The following COLQ variants were observed in gnomAD, a reference collection of about 807,000 sequenced individuals.
COLQ encodes acetylcholinesterase collagenic tail peptide.
In COLQ, 48 loss-of-function variants were observed where a neutral mutation model predicts 69.0. That is an observed-to-expected ratio of 0.70 (90% confidence interval 0.55 to 0.88). COLQ has a LOEUF of 0.88. COLQ is among the 40% of genes least tolerant of loss of function. The pLI is 0.00. For missense variants in COLQ, 618 were observed against 594.6 expected (o/e 1.04, Z -0.41); for synonymous variants, 217 against 211.2 (o/e 1.03, Z -0.24).
intron 12 of COLQ, among the ~76,000 whole-genome samples, chr3:15,460,300 C>T (rs951272017): frequency 2.0e-5 from 3 of 152,070 alleles, no homozygotes; most frequent in Admixed American, 1.3e-4. Flanking sequence ...AAAAAGTCTT[C>T]AGAAGAGGGT....
At chr3:15,501,951 CT>C (rs2062836088) in intron 1 of COLQ, among the ~76,000 whole-genome samples, 1 of 152,136 alleles carries the variant, frequency 6.6e-6, no homozygotes, top group Non-Finnish European at 1.5e-5. Context: ...TTGCAATAGT[CT>C]TGGATAAAGT....
At chr3:15,510,852 A>G (rs2062976610) in intron 1 of COLQ, among the ~76,000 whole-genome samples, 1 of 134,386 alleles carries the variant, frequency 7.4e-6, no homozygotes, top group African/African-American at 3.0e-5. Context: ...GGGAGAGAGG[A>G]AGGAAAGAAG....
At chr3:15,475,189 T>A (rs1280797780) in intron 7 of COLQ, 1 of 652,066 alleles carries the variant, frequency 1.5e-6, no homozygotes, top group Non-Finnish European at 2.7e-6. Context: ...TTCCATCTGC[T>A]CTGATGTCCA....
chr3:15,514,294 T>TA (rs1228491762), intron 1 of COLQ, among the ~76,000 whole-genome samples: 14 of 152,064 alleles, frequency 9.2e-5, no homozygotes, highest in African/African-American at 3.1e-4. Context: ...CAGAGGCTCT[T>TA]ACAGCATGGT....
At chr3:15,518,453 T>C (rs2063091305) in intron 1 of COLQ, among the ~76,000 whole-genome samples, 7 of 152,246 alleles carry the variant, frequency 4.6e-5, no homozygotes, top group Admixed American at 4.6e-4. Flanking sequence ...AGGCTTAGAA[T>C]AAAGGCCTGA....
At chr3:15,464,048 T>C (rs377150483) in intron 12 of COLQ, among the ~76,000 whole-genome samples, 3 of 152,364 alleles carry the variant, frequency 2.0e-5, no homozygotes, top group South Asian at 4.1e-4. Flanking sequence ...AAGCAGGTAC[T>C]ATTGGAAACA....
chr3:15,494,892 A>T (rs2062723627), intron 1 of COLQ, among the ~76,000 whole-genome samples: 1 of 152,172 alleles, frequency 6.6e-6, no homozygotes, highest in Admixed American at 6.5e-5. Flanking sequence ...CACCACATGC[A>T]AGGCACCATT....
At chr3:15,474,481 A>C (rs1220785925) in intron 8 of COLQ, among the ~76,000 whole-genome samples, 3 of 152,238 alleles carry the variant, frequency 2.0e-5, no homozygotes, top group Non-Finnish European at 4.4e-5. Context: ...CATAAAGGAC[A>C]ACTCACGGAA....
intron 1 of COLQ, among the ~76,000 whole-genome samples, chr3:15,505,653 C>T (rs937142104): frequency 1.3e-5 from 2 of 152,332 alleles, no homozygotes; most frequent in South Asian, 2.1e-4. Context: ...ATAAATCAGC[C>T]GGTGCTATTA....
chr3:15,478,932 A>G (rs776924590), intron 5 of COLQ, 45 bp downstream of exon 5: 1 of 1,612,658 alleles, frequency 6.2e-7, no homozygotes, highest in African/African-American at 1.3e-5. Context: ...ACACACATGA[A>G]GCACAGACGC....
In COLQ at chr3:15,510,994, A is replaced by G. The variant is rs375978029; in HGVS notation, c.106+10526T>C. 4.6e-5 allele frequency among the ~76,000 whole-genome samples: 7 copies of G among 152,272 alleles called. No individual in the cohort carries two copies. The East Asian group carries it at 9.7e-4, about 21-fold the overall frequency. On this transcript the variant is annotated intron_variant, in intron 1 of 16. Transcript: ENST00000383788. ...ACTCCATGCCTTTTACTCTCACATA[A>G]TGGGTTCTCAGTGCCAATGCTCAGA...
chr3:15,518,215 G>A (rs1303195388), intron 1 of COLQ, among the ~76,000 whole-genome samples: 1 of 152,100 alleles, frequency 6.6e-6, no homozygotes, highest in East Asian at 1.9e-4. Context: ...CAAAGTGCTG[G>A]GATTACAGGC....
At chr3:15,474,765 A>G (rs1384917586) in intron 8 of COLQ, among the ~76,000 whole-genome samples, 160 bp downstream of exon 8, 3 of 152,206 alleles carry the variant, frequency 2.0e-5, no homozygotes, top group Non-Finnish European at 2.9e-5. Context: ...GAGGTCCCTC[A>G]CTTCTCTCTC....
At chr3:15,506,226 C>G (rs1430845675) in intron 1 of COLQ, among the ~76,000 whole-genome samples, 1 of 152,188 alleles carries the variant, frequency 6.6e-6, no homozygotes, top group African/African-American at 2.4e-5. Flanking sequence ...TCTGGAAACT[C>G]TCTGAGATCT....
chr3:15,479,010 A>G lies in COLQ; in HGVS notation c.367-7T>C. 3 of 1,614,182 alleles carry G rather than the reference A, an allele frequency of 1.9e-6. No individual in the cohort carries two copies. Among genetic ancestry groups the G allele is most frequent in the Non-Finnish European group, 2.5e-6 (3 of 1,180,018 alleles). On this transcript the variant is annotated splice_region_variant and splice_polypyrimidine_tract_variant and intron_variant, in intron 4 of 16. Coordinates refer to ENST00000383788, the MANE Select transcript of COLQ (RefSeq NM_005677.4). ...CTGGTCGGCCAAGCTCCCCCTATGG[A>G]TGGAGAAGACAGGTAAGGAGAGGCT...
At chr3:15,496,529 G>A (rs921102621) in intron 1 of COLQ, among the ~76,000 whole-genome samples, 1 of 152,190 alleles carries the variant, frequency 6.6e-6, no homozygotes, top group Non-Finnish European at 1.5e-5. Context: ...AAAAGCCCCG[G>A]AAGGCTCTGT....
At chr3:15,504,800 C>A (rs973904095) in intron 1 of COLQ, among the ~76,000 whole-genome samples, 5 of 152,296 alleles carry the variant, frequency 3.3e-5, no homozygotes, top group Admixed American at 1.3e-4. Flanking sequence ...CTGAAGGTTG[C>A]GGTGAGCCGA....
At chr3:15,521,342 A>G (rs1322212641) in intron 1 of COLQ, among the ~76,000 whole-genome samples, 178 bp downstream of exon 1, 1 of 152,146 alleles carries the variant, frequency 6.6e-6, no homozygotes, top group East Asian at 1.9e-4. Context: ...ACAAGGACAG[A>G]AGGGGCTTCC....
rs536042715 is a variant in COLQ at position 15,453,850 on chromosome 3, G to T, written c.1277C>A (p.Thr426Lys). The change falls in exon 16 of 17, where the codon ACA becomes AAA. Residue 426 changes from threonine to lysine, a missense_variant. Physicochemically the swap from Thr to Lys is moderately conservative, Grantham distance 78. Transcript: ENST00000383788. Reference sequence around the variant, plus strand: ...CTACCCAGGGAGATAGGTCTCGCATGTCAGGTAGCCAAAGTCAGAGCCGTC... The same window carrying T: ...CTACCCAGGGAGATAGGTCTCGCATTTCAGGTAGCCAAAGTCAGAGCCGTC... ...DCDGSDFGYL[T>K]CETYLPGSYG... 2.4e-4 allele frequency: 391 copies of T among 1,611,682 alleles called. 6 individuals carry two copies. The South Asian group carries it at 4.3e-3, about 18-fold the overall frequency.
Sources: allele counts gnomAD v4.1 joint callset (sites outside exome capture counted in the v4.1 genomes callset), GRCh38; gene constraint gnomAD v4.1.1; transcripts MANE v1.5; gene names NCBI Gene and HGNC (gene_info 2026-07-23, HGNC 2026-07-21).